TCF20: variants seen among roughly 807,000 people sequenced by gnomAD.
The protein encoded by TCF20 is transcription factor 20.
TCF20 carries 3 observed loss-of-function variants against 148.6 expected under a neutral mutation model. The observed-to-expected ratio is 0.02, with a 90% CI of 0.01 to 0.05. TCF20 has a LOEUF of 0.05. TCF20 is among the 10% of genes least tolerant of loss of function. TCF20 has a pLI of 1.00. For missense variants in TCF20, 2,350 were observed against 2,429.3 expected, an observed-to-expected ratio of 0.97 and a Z score of 0.69; for synonymous variants, 1,049 against 909.5, an observed-to-expected ratio of 1.15 and a Z score of -2.76.
intron 1 of TCF20, among the ~76,000 whole-genome samples, chr22:42,224,693 G>A (rs976522105): frequency 1.3e-5 from 2 of 151,960 alleles, no homozygotes; most frequent in Non-Finnish European, 2.9e-5. Flanking sequence ...CAACCTATTT[G>A]AAAATTGATT....
chr22:42,185,763 T>A (rs1214554522), intron 2 of TCF20, among the ~76,000 whole-genome samples: 1 of 152,184 alleles, frequency 6.6e-6, no homozygotes, highest in Non-Finnish European at 1.5e-5. Context: ...CCTTACTTCC[T>A]TAGAGCTAGA....
rs771246216 is a variant in TCF20 at position 42,212,377 on chromosome 22, C to G, written c.2929G>C (p.Asp977His). ...PGAATHDSLS[D>H]YGPQDSRPTP... Reference sequence around the variant, plus strand: ...GGTCTGCTGTCTTGCGGGCCATAGTCTGAAAGGGAATCATGGGTTGCTGCT... The same window carrying G: ...GGTCTGCTGTCTTGCGGGCCATAGTGTGAAAGGGAATCATGGGTTGCTGCT... The change falls in exon 2 of 6, where the codon GAC becomes CAC. Residue 977 changes from aspartate to histidine, a missense_variant. Coordinates refer to ENST00000677622, the MANE Select transcript of TCF20 (RefSeq NM_001378418.1). 6.2e-7 allele frequency: 1 copy of G among 1,614,248 alleles called. No homozygotes were observed. The highest frequency in any genetic ancestry group is 1.1e-5 in the South Asian group (1 of 91,090).
intron 1 of TCF20, among the ~76,000 whole-genome samples, chr22:42,228,023 A>T (rs912109959): frequency 2.6e-5 from 4 of 152,232 alleles, no homozygotes; most frequent in Non-Finnish European, 4.4e-5. Flanking sequence ...AAGGTCTTAT[A>T]AAAAGTAAGA....
intron 1 of TCF20, among the ~76,000 whole-genome samples, chr22:42,238,764 G>C (rs749506558): frequency 1.3e-5 from 2 of 152,334 alleles, no homozygotes; most frequent in Non-Finnish European, 2.9e-5. Context: ...TACACAACAT[G>C]TATATATTAA....
At chr22:42,233,783 T>C (rs1257712767) in intron 1 of TCF20, among the ~76,000 whole-genome samples, 2 of 152,140 alleles carry the variant, frequency 1.3e-5, no homozygotes, top group African/African-American at 4.8e-5. Flanking sequence ...GTTTCCATAA[T>C]CCCTACCTGC....
upstream of TCF20, among the ~76,000 whole-genome samples, chr22:42,272,555 C>T (rs923594044): frequency 6.6e-6 from 1 of 152,194 alleles, no homozygotes; most frequent in Non-Finnish European, 1.5e-5. Context: ...ATAAAGAATG[C>T]AGACAGATAA....
intron 1 of TCF20, among the ~76,000 whole-genome samples, chr22:42,221,826 C>T (rs1024320122): frequency 7.1e-6 from 1 of 141,588 alleles, no homozygotes; most frequent in African/African-American, 2.7e-5. Flanking sequence ...GCAAGCTCCG[C>T]CTCCCGGGTT....
intron 1 of TCF20, among the ~76,000 whole-genome samples, chr22:42,291,946 G>C (rs918278644): frequency 2.0e-5 from 3 of 152,080 alleles, no homozygotes; most frequent in African/African-American, 7.2e-5. Flanking sequence ...AGATGTGAGG[G>C]AGGAAGGTCA....
Position 42,312,512 on chromosome 22 carries a change from G to A in TCF20, c.-37+30967C>T, listed in dbSNP as rs570971261. Among the ~76,000 whole-genome samples, 16 of 152,242 alleles carry A rather than the reference G, an allele frequency of 1.1e-4. 1 individual carries two copies. The highest frequency in any genetic ancestry group is 6.8e-3 in the Middle Eastern group (2 of 294). On this transcript the variant is annotated intron_variant, in intron 1 of 1. Transcript: ENST00000515426. ...GCCTGGGGGAATGAGGGTTGGGGGA[G>A]CTTGGATTCTAGAATCCACACTACC...
intron 1 of TCF20, among the ~76,000 whole-genome samples, chr22:42,313,812 C>G (rs1927580645): frequency 6.6e-6 from 1 of 152,118 alleles, no homozygotes; most frequent in African/African-American, 2.4e-5. Flanking sequence ...GCTGGCCAGG[C>G]TGGTCTCAAA....
Position 42,209,493 on chromosome 22 carries a change from A to C in TCF20, c.5655+158T>G, listed in dbSNP as rs571157264. Among the ~76,000 whole-genome samples, 13 of 152,374 alleles carry C rather than the reference A, an allele frequency of 8.5e-5. No homozygotes were observed. The South Asian group carries it at 2.3e-3, about 27-fold the overall frequency. ...AAAAACGATTTTAGAAGTCTATACA[A>C]ATCTTCCAAATTACCTATTTCATTT... On this transcript the variant is annotated intron_variant, in intron 2 of 5. Transcript: ENST00000677622.
chr22:42,174,801 C>A (rs1481071371), intron 3 of TCF20, among the ~76,000 whole-genome samples: 1 of 151,950 alleles, frequency 6.6e-6, no homozygotes, highest in Admixed American at 6.6e-5. Context: ...TTTGGGGGGC[C>A]AAGGTGGGCA....
At chr22:42,217,469 T>C (rs1257933459) in intron 1 of TCF20, among the ~76,000 whole-genome samples, 2 of 152,188 alleles carry the variant, frequency 1.3e-5, no homozygotes, top group African/African-American at 2.4e-5. Context: ...CAGACACATA[T>C]ATGCTACTTG....
chr22:42,286,808 T>C (rs552699602), upstream of TCF20, among the ~76,000 whole-genome samples: 101 of 152,330 alleles, frequency 6.6e-4, no homozygotes, highest in Admixed American at 3.0e-3. Context: ...GGAGTACAAA[T>C]GTGCCTCCTC....
chr22:42,232,262 T>C (rs1255784418), intron 1 of TCF20, among the ~76,000 whole-genome samples: 2 of 152,160 alleles, frequency 1.3e-5, no homozygotes, highest in African/African-American at 4.8e-5. Flanking sequence ...CTATACCACA[T>C]AGCCTAGATG....
rs1205261276 is a variant in TCF20, at chr22:42,243,301, A to AC, written c.-37+27037_-37+27038insG. Among the ~76,000 whole-genome samples the AC allele has an allele frequency of 1.9e-3, 215 of 112,426 alleles. 5 individuals carry two copies. Among genetic ancestry groups the AC allele is most frequent in the African/African-American group, 8.3e-3 (207 of 24,894 alleles). 73.8% of individuals were successfully genotyped at this position (112,426 alleles called of 152,430 possible). A position where few individuals can be genotyped will look rare whatever the true frequency, so the allele number is the denominator to read the frequency against. ...GAGCAAGACACTGTCTCAAAAAAAAAAAAAAAAAAAAAAAAAAAAAGTCAG... is the reference window on the plus strand; with the variant it reads ...GAGCAAGACACTGTCTCAAAAAAAAACAAAAAAAAAAAAAAAAAAAAGTCAG... On this transcript the variant is annotated intron_variant, in intron 1 of 5. Transcript: ENST00000677622.
At chr22:42,323,901 G>GGTGGTGGTGGTGGT (rs1569209661) in intron 1 of TCF20, among the ~76,000 whole-genome samples, 17 of 43,576 alleles carry the variant, frequency 3.9e-4, no homozygotes, top group Non-Finnish European at 6.2e-4. Context: ...TTATGGTGGT[G>GGTGGTGGTGGTGGT]GAGGTGGTGG....
chr22:42,206,917 T>C (rs547272624), intron 2 of TCF20, among the ~76,000 whole-genome samples: 6 of 152,246 alleles, frequency 3.9e-5, no homozygotes, highest in African/African-American at 1.4e-4. Flanking sequence ...GTGGATAAAC[T>C]TGCAAGATAA....
chr22:42,196,982 T>A (rs1410035879), intron 2 of TCF20, among the ~76,000 whole-genome samples: 3 of 152,226 alleles, frequency 2.0e-5, no homozygotes, highest in Non-Finnish European at 2.9e-5. Flanking sequence ...GCTGCCAACA[T>A]CTTCAAATTA....
Sources: allele counts gnomAD v4.1 joint callset (sites outside exome capture counted in the v4.1 genomes callset), GRCh38; gene constraint gnomAD v4.1.1; transcripts MANE v1.5; gene names NCBI Gene and HGNC (gene_info 2026-07-23, HGNC 2026-07-21).